Variants in CDK5RAP2 observed in about 807,000 individuals in gnomAD.
CDK5RAP2 encodes CDK5 regulatory subunit associated protein 2.
Under a neutral mutation model 232.9 loss-of-function variants are expected in CDK5RAP2, and 147 were observed. That is an observed-to-expected ratio of 0.63 (90% CI 0.55 to 0.72). The LOEUF (loss-of-function observed/expected upper bound fraction) is 0.72. Among genes scored for constraint, CDK5RAP2 ranks in the 30% least tolerant of loss-of-function variants. CDK5RAP2 has a pLI of 0.00. For missense variants in CDK5RAP2, 2,195 were observed against 2,231.5 expected (o/e 0.98, Z 0.33); for synonymous variants, 833 against 833.7 (o/e 1.00, Z 0.01).
At chr9:120,577,273 A>G (rs994526434) in intron 1 of CDK5RAP2, among the ~76,000 whole-genome samples, 1 of 151,806 alleles carries the variant, frequency 6.6e-6, no homozygotes, top group Non-Finnish European at 1.5e-5. Flanking sequence ...AACCATGAGA[A>G]TTGCTTGAAC....
At chr9:120,404,144 T>C (rs778971048) in intron 32 of CDK5RAP2, 31 bp from the exon 33 acceptor site, 1 of 1,394,038 alleles carries the variant, frequency 7.2e-7, no homozygotes. Flanking sequence ...GAACTGTTAG[T>C]TTCACTGTTG....
intron 35 of CDK5RAP2, among the ~76,000 whole-genome samples, chr9:120,396,112 A>C (rs2032443372): frequency 6.6e-6 from 1 of 152,262 alleles, no homozygotes; most frequent in South Asian, 2.1e-4. Context: ...GTTTTAAGTT[A>C]AACTAAAATG....
chr9:120,549,025 C>T (rs1321305270), intron 4 of CDK5RAP2, among the ~76,000 whole-genome samples: 3 of 151,996 alleles, frequency 2.0e-5, no homozygotes, highest in Non-Finnish European at 4.4e-5. Context: ...GGCGTGCTGG[C>T]GTGCACATGT....
chr9:120,529,349 G>A (rs1451721908), intron 8 of CDK5RAP2, among the ~76,000 whole-genome samples: 4 of 152,254 alleles, frequency 2.6e-5, no homozygotes, highest in South Asian at 2.1e-4. Flanking sequence ...AGCTTGCTGG[G>A]GAGGCCGCCT....
intron 35 of CDK5RAP2, 113 bp from the exon 36 acceptor site, chr9:120,394,751 T>G: frequency 1.1e-6 from 1 of 912,156 alleles, no homozygotes. Flanking sequence ...GCAAAAATAT[T>G]TGAATGGAAA....
chr9:120,394,210 C>T (rs1234585316), intron 36 of CDK5RAP2, among the ~76,000 whole-genome samples: 1 of 152,186 alleles, frequency 6.6e-6, no homozygotes, highest in Non-Finnish European at 1.5e-5. Flanking sequence ...CTTGCCGGGA[C>T]AGAGTGACGG....
In CDK5RAP2 at chr9:120,455,273, T is replaced by G. The variant is rs115889827; in HGVS notation, c.2376-1400A>C. ...CTCGAGGAGAGGAAATGGAACAGTCTAAGCATGGAAAACAACGTGAACAGA... is the reference window on the plus strand; with the variant it reads ...CTCGAGGAGAGGAAATGGAACAGTCGAAGCATGGAAAACAACGTGAACAGA... On this transcript the variant is annotated intron_variant, in intron 20 of 37. Coordinates refer to ENST00000349780, the MANE Select transcript of CDK5RAP2 (RefSeq NM_018249.6). 7.0e-3 allele frequency among the ~76,000 whole-genome samples: 1,046 copies of G among 148,836 alleles called. 10 individuals are homozygous for G. The highest frequency in any genetic ancestry group is 0.024 in the African/African-American group (962 of 40,238).
In CDK5RAP2 at chr9:120,388,968, C is replaced by G; in HGVS notation, c.*268G>C. 1 of 557,692 alleles carries G rather than the reference C, an allele frequency of 1.8e-6. No homozygotes were observed. The allele number at this position is 557,692 out of a possible 1,614,324, so 34.5% of individuals were successfully genotyped here. A position where few individuals can be genotyped will look rare whatever the true frequency, so the allele number is the denominator to read the frequency against. Reference sequence around the variant, plus strand: ...GGGGAAGACGTGAAGCCCACCAAGGCGCACAGCCTCAACTCCGGTGCCTGC... The same window carrying G: ...GGGGAAGACGTGAAGCCCACCAAGGGGCACAGCCTCAACTCCGGTGCCTGC... On this transcript the variant is annotated 3_prime_UTR_variant, in exon 38 of 38. Coordinates refer to ENST00000349780, the MANE Select transcript of CDK5RAP2 (RefSeq NM_018249.6).
At chr9:120,441,553 T>C (rs1035723559) in intron 23 of CDK5RAP2, among the ~76,000 whole-genome samples, 1 of 152,194 alleles carries the variant, frequency 6.6e-6, no homozygotes, top group Non-Finnish European at 1.5e-5. Flanking sequence ...AAGGCCAGCC[T>C]GGAAAAATGC....
At chr9:120,426,233 T>G (rs1000545788) in intron 25 of CDK5RAP2, among the ~76,000 whole-genome samples, 3 of 152,224 alleles carry the variant, frequency 2.0e-5, no homozygotes, top group African/African-American at 7.2e-5. Context: ...CAACCAGTTT[T>G]GGAGTTTATT....
At chr9:120,517,474 AC>A (rs1382946121) in intron 12 of CDK5RAP2, among the ~76,000 whole-genome samples, 2 of 152,034 alleles carry the variant, frequency 1.3e-5, no homozygotes, top group Non-Finnish European at 2.9e-5. Context: ...GATCACTCAG[AC>A]CCAGACCCCA....
intron 3 of CDK5RAP2, among the ~76,000 whole-genome samples, chr9:120,561,347 A>G (rs2042457944): frequency 1.3e-5 from 2 of 152,170 alleles, no homozygotes; most frequent in African/African-American, 4.8e-5. Flanking sequence ...CTCAGGCTAG[A>G]GTGCAGTGGC....
At chr9:120,539,018 GC>G in intron 6 of CDK5RAP2, 22 bp downstream of exon 6, 3 of 1,612,648 alleles carry the variant, frequency 1.9e-6, no homozygotes, top group Non-Finnish European at 2.5e-6. Flanking sequence ...GAAATACACT[GC>G]CCTCAGGATT....
chr9:120,401,987 A>G (rs1008857944), intron 34 of CDK5RAP2, among the ~76,000 whole-genome samples: 6 of 151,778 alleles, frequency 4.0e-5, no homozygotes, highest in Non-Finnish European at 8.8e-5. Context: ...CCATCTCAAA[A>G]AAAAAAAATT....
At chr9:120,513,367 GC>G (rs972827470) in intron 12 of CDK5RAP2, among the ~76,000 whole-genome samples, 4 of 151,998 alleles carry the variant, frequency 2.6e-5, no homozygotes, top group African/African-American at 4.8e-5. Context: ...CCCACCAGGG[GC>G]CCCCTGCCTA....
intron 12 of CDK5RAP2, among the ~76,000 whole-genome samples, chr9:120,506,788 T>A (rs1344263187): frequency 6.6e-6 from 1 of 152,218 alleles, no homozygotes; most frequent in East Asian, 1.9e-4. Context: ...CGGAATTACT[T>A]CTTATGAATG....
intron 31 of CDK5RAP2, chr9:120,407,585 C>T (rs137895553): frequency 2.4e-5 from 8 of 327,254 alleles, no homozygotes; most frequent in East Asian, 2.0e-4. Flanking sequence ...TTAAGAGCCA[C>T]ACTATATTAA....
intron 23 of CDK5RAP2, chr9:120,440,423 T>C (rs929329453): frequency 3.7e-5 from 8 of 216,068 alleles, no homozygotes; most frequent in African/African-American, 1.8e-4. Context: ...TGCTTTTGCA[T>C]GGGCCGTGCC....
chr9:120,436,870 A>C (rs1327975953), intron 25 of CDK5RAP2, among the ~76,000 whole-genome samples: 1 of 152,144 alleles, frequency 6.6e-6, no homozygotes, highest in African/African-American at 2.4e-5. Flanking sequence ...AACTGATAAA[A>C]ATTTTGCTTG....
Sources: allele counts gnomAD v4.1 joint callset (sites outside exome capture counted in the v4.1 genomes callset), GRCh38; gene constraint gnomAD v4.1.1; transcripts MANE v1.5; gene names NCBI Gene and HGNC (gene_info 2026-07-23, HGNC 2026-07-21).